Variants in LCOR observed in about 807,000 individuals in gnomAD.
LCOR encodes the protein ligand-dependent corepressor.
In LCOR, 14 loss-of-function variants were observed where a neutral mutation model predicts 64.4. The observed-to-expected ratio is 0.22, with a 90% CI of 0.14 to 0.34. LCOR has a LOEUF of 0.34. Among genes scored for constraint, LCOR ranks in the 10% least tolerant of loss-of-function variants. LCOR has a pLI of 1.00. For synonymous variants in LCOR, 643 were observed against 642.5 expected, an observed-to-expected ratio of 1.00 and a Z score of -0.01; for missense variants, 1,686 against 1,765.3, an observed-to-expected ratio of 0.96 and a Z score of 0.80.
chr10:96,978,292 G>A (rs754361679), intron 7 of LCOR, among the ~76,000 whole-genome samples: 1 of 152,202 alleles, frequency 6.6e-6, no homozygotes, highest in African/African-American at 2.4e-5. Context: ...TGTCTTGCCT[G>A]TTCCAAAGGA....
At chr10:96,887,432 G>A (rs1278897420) in intron 2 of LCOR, among the ~76,000 whole-genome samples, 19 of 151,856 alleles carry the variant, frequency 1.3e-4, no homozygotes, top group African/African-American at 4.1e-4. Flanking sequence ...GCGTCGTGGC[G>A]GGCGCCTGTA....
chr10:96,876,484 TA>T (rs1421370952), intron 2 of LCOR, among the ~76,000 whole-genome samples: 2 of 152,134 alleles, frequency 1.3e-5, no homozygotes, highest in African/African-American at 4.8e-5. Context: ...ATGGTTTATA[TA>T]AAAATTAAAT....
rs78282102 is a variant in LCOR, at chr10:96,882,651, A to G, written c.-329-24614A>G. Reference sequence around the variant, plus strand: ...TTTCACTATTGGTGTTGTATATTCTATGGGTTTTGACACGTGTTGACCATT... The same window carrying G: ...TTTCACTATTGGTGTTGTATATTCTGTGGGTTTTGACACGTGTTGACCATT... On this transcript the variant is annotated intron_variant, in intron 2 of 7. Coordinates refer to ENST00000421806, the MANE Select transcript of LCOR (RefSeq NM_001346516.2). 6.8e-4 allele frequency among the ~76,000 whole-genome samples: 103 copies of G among 152,254 alleles called. No homozygotes were observed. The East Asian group carries it at 0.018, about 26-fold the overall frequency.
chr10:96,856,038 C>G (rs1409668142), intron 2 of LCOR, among the ~76,000 whole-genome samples: 2 of 151,980 alleles, frequency 1.3e-5, no homozygotes, highest in Non-Finnish European at 2.9e-5. Flanking sequence ...GACATAGCCC[C>G]TGGCCATCTA....
intron 2 of LCOR, among the ~76,000 whole-genome samples, chr10:96,903,000 TTACTG>T (rs1271932187): frequency 6.6e-6 from 1 of 152,352 alleles, no homozygotes; most frequent in Non-Finnish European, 1.5e-5. Flanking sequence ...GTACAGCACA[TTACTG>T]TACTGAATAC....
At chr10:96,912,083 C>T (rs1016297072) in intron 4 of LCOR, among the ~76,000 whole-genome samples, 1 of 151,962 alleles carries the variant, frequency 6.6e-6, no homozygotes, top group Non-Finnish European at 1.5e-5. Context: ...AGACACATGC[C>T]ACCACGCCCA....
chr10:96,832,572 G>A (rs1845357102), intron 1 of LCOR, among the ~76,000 whole-genome samples, 173 bp downstream of exon 1: 1 of 143,420 alleles, frequency 7.0e-6, no homozygotes, highest in Admixed American at 6.8e-5. Flanking sequence ...CGACCTCCAG[G>A]CGGGCTCCCC....
At chr10:96,944,956 C>T (rs985983286) in intron 5 of LCOR, among the ~76,000 whole-genome samples, 2 of 152,144 alleles carry the variant, frequency 1.3e-5, no homozygotes, top group Non-Finnish European at 2.9e-5. Flanking sequence ...TAATTACCAT[C>T]AGCCAGAACC....
At chr10:96,847,139 G>T (rs1372135863) in intron 2 of LCOR, among the ~76,000 whole-genome samples, 1 of 152,052 alleles carries the variant, frequency 6.6e-6, no homozygotes, top group Non-Finnish European at 1.5e-5. Context: ...AGCTACCTGG[G>T]AGGCTGACAT....
At chr10:96,938,096 G>A (rs1228782399) in intron 4 of LCOR, among the ~76,000 whole-genome samples, 2 of 152,084 alleles carry the variant, frequency 1.3e-5, no homozygotes, top group African/African-American at 2.4e-5. Flanking sequence ...GACCACAGAT[G>A]TGCACCACCA....
intron 7 of LCOR, chr10:96,962,962 T>G (rs1479546497): frequency 1.3e-5 from 2 of 152,224 alleles, no homozygotes; most frequent in African/African-American, 4.8e-5. Flanking sequence ...TTCAGGTACT[T>G]TGATGCTATT....
At chr10:96,866,527 T>G (rs1371777339) in intron 2 of LCOR, among the ~76,000 whole-genome samples, 1 of 152,204 alleles carries the variant, frequency 6.6e-6, no homozygotes, top group Non-Finnish European at 1.5e-5. Context: ...GAAGTGGAAT[T>G]GCTGGGTCCT....
intron 3 of LCOR, 50 bp from the exon 4 acceptor site, chr10:96,907,618 T>G: frequency 1.4e-6 from 1 of 700,340 alleles, no homozygotes; most frequent in Non-Finnish European, 1.8e-6. Context: ...TCTAATTTAT[T>G]TTCCTAAAAA....
intron 7 of LCOR, among the ~76,000 whole-genome samples, chr10:96,979,524 A>G (rs1378110826): frequency 1.3e-5 from 2 of 152,206 alleles, no homozygotes; most frequent in Non-Finnish European, 2.9e-5. Context: ...TGGGTGACTT[A>G]CTTAAATGGT....
In LCOR at chr10:96,995,251, CTG is replaced by C. The variant is rs1848233098; in HGVS notation, c.*10119_*10120del. 1 of 152,266 alleles carries C rather than the reference CTG, an allele frequency of 6.6e-6. No homozygotes were observed. The highest frequency in any genetic ancestry group is 6.5e-5 in the Admixed American group (1 of 15,284). The allele number at this position is 152,266 out of a possible 1,614,324, so 9.4% of individuals were successfully genotyped here. ...TAGTTGTTCAGTTGTGCTCTTTTTGCTGTCTTGTGAGTCTTAGCCAGTGATCC... is the reference window on the plus strand; with the variant it reads ...TAGTTGTTCAGTTGTGCTCTTTTTGCTCTTGTGAGTCTTAGCCAGTGATCC... On this transcript the variant is annotated 3_prime_UTR_variant, in exon 8 of 8. Transcript: ENST00000421806. The surrounding 1 kb of genome is among the most constrained non-coding windows in gnomAD (Gnocchi z 4.2).
At position 96,994,885 on chromosome 10, in the gene LCOR, TG is replaced by T. The variant is rs1848230108; in HGVS notation, c.*9753del. 6.6e-6 allele frequency: 1 copy of T among 152,220 alleles called. No individual in the cohort carries two copies. Among genetic ancestry groups the T allele is most frequent in the Non-Finnish European group, 1.5e-5 (1 of 68,042 alleles). 9.4% of individuals were successfully genotyped at this position (152,220 alleles called of 1,614,324 possible). On this transcript the variant is annotated 3_prime_UTR_variant, in exon 8 of 8. Coordinates refer to ENST00000421806, the MANE Select transcript of LCOR (RefSeq NM_001346516.2). ...ATTGGCCAATGCTGTGTGCAGGCAT[TG>T]GTCATCTTTGTAAACTCATGGCATT... is the stretch of plus-strand genomic sequence containing the variant.
At chr10:96,931,692 T>G (rs924143941) in intron 4 of LCOR, among the ~76,000 whole-genome samples, 7 of 152,156 alleles carry the variant, frequency 4.6e-5, no homozygotes, top group Non-Finnish European at 7.4e-5. Flanking sequence ...ACCTACACTT[T>G]CTCCTGAAAG....
intron 2 of LCOR, among the ~76,000 whole-genome samples, chr10:96,859,269 G>A (rs1331665276): frequency 6.6e-6 from 1 of 152,162 alleles, no homozygotes; most frequent in African/African-American, 2.4e-5. Flanking sequence ...GAGTGCAATG[G>A]CACAATCTCG....
At chr10:96,846,511 C>T (rs559130965) in intron 2 of LCOR, among the ~76,000 whole-genome samples, 3 of 152,192 alleles carry the variant, frequency 2.0e-5, no homozygotes, top group Admixed American at 1.3e-4. Context: ...CCCAGCCTTC[C>T]CAAAATGCTG....
Sources: gnomAD v4.1 joint callset for allele counts (sites outside exome capture counted in the v4.1 genomes callset) on GRCh38, gnomAD v4.1.1 for gene constraint, Gnocchi (gnomAD v3.1) non-coding constraint, MANE v1.5 for transcripts, NCBI Gene and HGNC (gene_info 2026-07-23, HGNC 2026-07-21) for gene names.